Variants in SHTN1 observed in about 807,000 individuals in gnomAD.
The protein encoded by SHTN1 is shootin 1.
SHTN1 carries 42 observed loss-of-function variants against 83.1 expected under a neutral mutation model. The ratio of observed to expected loss-of-function variants is 0.51; its 90% CI spans 0.39 to 0.65. The LOEUF (loss-of-function observed/expected upper bound fraction) is 0.65, where lower values mean the gene tolerates loss of function less well. Among genes scored for constraint, SHTN1 ranks in the 30% least tolerant of loss-of-function variants. SHTN1 has a pLI of 0.00. For synonymous variants in SHTN1, 224 were observed against 247.7 expected (o/e 0.90, Z 0.90); for missense variants, 622 against 737.8 (o/e 0.84, Z 1.82).
intron 12 of SHTN1, among the ~76,000 whole-genome samples, chr10:116,919,508 G>A (rs573819745): frequency 1.1e-4 from 16 of 152,264 alleles, no homozygotes; most frequent in African/African-American, 1.9e-4. Context: ...TCCTAAAACC[G>A]GGGGTTAAGA....
chr10:116,988,335 C>A (rs1487839691), intron 1 of SHTN1, among the ~76,000 whole-genome samples: 2 of 151,710 alleles, frequency 1.3e-5, no homozygotes, highest in African/African-American at 4.8e-5. Flanking sequence ...CACAATCAAT[C>A]ATACACAAAT....
intron 1 of SHTN1, among the ~76,000 whole-genome samples, chr10:116,994,383 G>C (rs115523129): frequency 6.6e-6 from 1 of 152,110 alleles, no homozygotes; most frequent in South Asian, 2.1e-4. Context: ...ATTTAAAATG[G>C]AGCCTTGATA....
intron 1 of SHTN1, among the ~76,000 whole-genome samples, chr10:117,109,815 C>T (rs753076935): frequency 2.6e-5 from 4 of 151,438 alleles, no homozygotes; most frequent in Non-Finnish European, 5.9e-5. Context: ...TCCACTGCCT[C>T]GGCCTCCCAA....
At chr10:116,953,623 G>GTTTTTTTTTTTTTTTTTTTTT (rs759706275) in intron 5 of SHTN1, among the ~76,000 whole-genome samples, 2 of 92,720 alleles carry the variant, frequency 2.2e-5, no homozygotes, top group African/African-American at 4.3e-5. Context: ...TTTGTGTTTT[G>GTTTTTTTTTTTTTTTTTTTTT]TTTTTTTTTT....
chr10:116,893,873 G>C (rs1847425791), intron 16 of SHTN1, among the ~76,000 whole-genome samples: 1 of 152,100 alleles, frequency 6.6e-6, no homozygotes, highest in Non-Finnish European at 1.5e-5. Context: ...TATTTCAAAA[G>C]CTCATAATCT....
rs190277619 is a variant in SHTN1, at chr10:116,926,217, C to T, written c.1112+1575G>A. 4.1e-3 allele frequency among the ~76,000 whole-genome samples: 619 copies of T among 152,198 alleles called. 7 individuals carry two copies. Among genetic ancestry groups the T allele is most frequent in the African/African-American group, 0.014 (587 of 41,524 alleles). ...CTTAGGTTATACTTTACTTTTAATT[C>T]TAGGGGCTCTCAACATTTCTGAGAA... is the stretch of plus-strand genomic sequence containing the variant. On this transcript the variant is annotated intron_variant, in intron 11 of 16. Transcript: ENST00000355371.
At chr10:116,971,503 T>C (rs1850617822) in intron 2 of SHTN1, among the ~76,000 whole-genome samples, 1 of 152,150 alleles carries the variant, frequency 6.6e-6, no homozygotes, top group Admixed American at 6.6e-5. Context: ...GATAGGAGAC[T>C]TCTGGCTAGC....
chr10:116,918,518 A>C (rs755838271), intron 12 of SHTN1, among the ~76,000 whole-genome samples: 7 of 152,214 alleles, frequency 4.6e-5, no homozygotes, highest in Non-Finnish European at 1.0e-4. Context: ...TAAAGAATAC[A>C]TTATAGTCGA....
chr10:117,095,808 C>T (rs1853496206), intron 1 of SHTN1, among the ~76,000 whole-genome samples: 1 of 152,112 alleles, frequency 6.6e-6, no homozygotes, highest in African/African-American at 2.4e-5. Flanking sequence ...TGGATTCCCA[C>T]TGTAGTCTTT....
At chr10:116,948,615 AG>A (rs1244193696) in intron 7 of SHTN1, among the ~76,000 whole-genome samples, 1 of 152,158 alleles carries the variant, frequency 6.6e-6, no homozygotes, top group African/African-American at 2.4e-5. Context: ...ATAAATGCTG[AG>A]GGGAGAGCTA....
intron 16 of SHTN1, among the ~76,000 whole-genome samples, chr10:116,889,511 C>A (rs974081295): frequency 3.3e-5 from 5 of 152,038 alleles, no homozygotes; most frequent in Non-Finnish European, 5.9e-5. Context: ...CCTTAGAATC[C>A]CAGTGGAAGG....
At chr10:116,954,359 G>A in intron 4 of SHTN1, 149 bp from the exon 5 acceptor site, 1 of 545,366 alleles carries the variant, frequency 1.8e-6, no homozygotes, top group Non-Finnish European at 3.2e-6. Context: ...CATTAAATAA[G>A]GTTTTATATT....
chr10:117,090,675 C>T (rs750499809), intron 1 of SHTN1, among the ~76,000 whole-genome samples: 2 of 151,984 alleles, frequency 1.3e-5, no homozygotes, highest in Non-Finnish European at 2.9e-5. Context: ...AGTTGTCTTA[C>T]ACAAGGGCAC....
intron 1 of SHTN1, among the ~76,000 whole-genome samples, chr10:117,050,114 C>T (rs894160102): frequency 6.6e-6 from 1 of 152,016 alleles, no homozygotes; most frequent in Non-Finnish European, 1.5e-5. Flanking sequence ...ATTGCTTGAG[C>T]CCAGGAGTTC....
intron 1 of SHTN1, among the ~76,000 whole-genome samples, chr10:117,085,608 A>C (rs1381626654): frequency 6.6e-6 from 1 of 152,198 alleles, no homozygotes; most frequent in Non-Finnish European, 1.5e-5. Context: ...TCGTTGAAGT[A>C]TTCTATAAAT....
chr10:117,017,713 T>TTTG (rs748072399), intron 2 of SHTN1, among the ~76,000 whole-genome samples: 4 of 152,108 alleles, frequency 2.6e-5, no homozygotes, highest in Non-Finnish European at 4.4e-5. Flanking sequence ...TAGGCTGGAT[T>TTTG]CAGTCACTTG....
chr10:116,911,240 G>A (rs1848178587), intron 14 of SHTN1, among the ~76,000 whole-genome samples: 1 of 152,094 alleles, frequency 6.6e-6, no homozygotes, highest in Non-Finnish European at 1.5e-5. Context: ...ACTAGGAAGG[G>A]ACACAAAGTA....
intron 16 of SHTN1, chr10:116,900,441 T>A: frequency 8.5e-7 from 1 of 1,169,940 alleles, no homozygotes; most frequent in Non-Finnish European, 1.2e-6. Flanking sequence ...CCTGCAATTA[T>A]TTCATTTCCT....
chr10:117,044,549 A>ATAC (rs1441428584), intron 2 of SHTN1, among the ~76,000 whole-genome samples: 3 of 152,174 alleles, frequency 2.0e-5, no homozygotes, highest in Non-Finnish European at 4.4e-5. Context: ...CATTCTTGAA[A>ATAC]TCTGTGTAGA....
Sources: allele counts gnomAD v4.1 joint callset (sites outside exome capture counted in the v4.1 genomes callset), GRCh38; gene constraint gnomAD v4.1.1; transcripts MANE v1.5; gene names NCBI Gene and HGNC (gene_info 2026-07-23, HGNC 2026-07-21).